VAV1: variants seen among roughly 807,000 people sequenced by gnomAD.
VAV1 encodes vav guanine nucleotide exchange factor 1, also known as proto-oncogene vav.
Under a neutral mutation model 128.1 loss-of-function variants are expected in VAV1, and 33 were observed. The observed-to-expected ratio is 0.26, with a 90% CI of 0.20 to 0.34. The LOEUF (loss-of-function observed/expected upper bound fraction) is 0.34, where lower values mean the gene tolerates loss of function less well. Among genes scored for constraint, VAV1 ranks in the 10% least tolerant of loss-of-function variants. The pLI is 1.00. For synonymous variants in VAV1, 394 were observed against 409.8 expected, an observed-to-expected ratio of 0.96 and a Z score of 0.47; for missense variants, 715 against 1,093.7, an observed-to-expected ratio of 0.65 and a Z score of 4.88.
At position 6,820,856 on chromosome 19, in the gene VAV1, G is replaced by A. The variant is rs1971765009; in HGVS notation, c.321+38G>A. 6.3e-7 allele frequency: 1 copy of A among 1,590,056 alleles called. No homozygotes were observed. Among genetic ancestry groups the A allele is most frequent in the Admixed American group, 1.7e-5 (1 of 59,968 alleles). On this transcript the variant is annotated intron_variant, in intron 2 of 26. Coordinates refer to ENST00000602142, the MANE Select transcript of VAV1 (RefSeq NM_005428.4). The surrounding 1 kb of genome is among the most constrained non-coding windows in gnomAD (Gnocchi z 4.4). ...CTTGAAGCCCAAAGACTGAGTTTCA[G>A]TTAATTTCTATTGACGTCTACACTG...
Position 6,828,591 on chromosome 19 carries a change from G to A in VAV1, c.1093-31G>A, listed in dbSNP as rs775848923. ...GGTAGGAGCCTGGGTCGGCTGTTGG[G>A]GGGCCAGGTTCACCCCTGCCCCCTC... On this transcript the variant is annotated intron_variant, in intron 11 of 26. Transcript: ENST00000602142. The surrounding 1 kb of genome is among the most constrained non-coding windows in gnomAD (Gnocchi z 4.5). 6.2e-7 allele frequency: 1 copy of A among 1,613,584 alleles called. No homozygotes were observed. Among genetic ancestry groups the A allele is most frequent in the South Asian group, 1.1e-5 (1 of 91,060 alleles).
chr19:6,852,589 C>T (rs1248142870), intron 24 of VAV1, among the ~76,000 whole-genome samples: 3 of 151,562 alleles, frequency 2.0e-5, no homozygotes, highest in Non-Finnish European at 1.5e-5. Context: ...GGCGTAGTGG[C>T]GGGCGCCTGT....
chr19:6,831,967 T>C, intron 14 of VAV1, 124 bp from the exon 15 acceptor site: 1 of 687,012 alleles, frequency 1.5e-6, no homozygotes, highest in South Asian at 1.9e-5. Context: ...TATCCATGCA[T>C]GGTGCTAGGG....
intron 1 of VAV1, among the ~76,000 whole-genome samples, chr19:6,778,149 C>T (rs953537641): frequency 2.0e-5 from 3 of 152,138 alleles, no homozygotes; most frequent in Non-Finnish European, 4.4e-5. Flanking sequence ...GTTGGCCAGG[C>T]TGGTCTCGAA....
chr19:6,832,466 T>C (rs185292723), intron 15 of VAV1, among the ~76,000 whole-genome samples: 312 of 150,740 alleles, frequency 2.1e-3, no homozygotes, highest in African/African-American at 7.1e-3. Context: ...TTCTCCTCCT[T>C]CTGGTTTCCT....
chr19:6,844,729 G>T (rs548096504), intron 22 of VAV1, among the ~76,000 whole-genome samples: 4 of 152,154 alleles, frequency 2.6e-5, no homozygotes, highest in South Asian at 4.2e-4. Context: ...GCCCTTCTGC[G>T]CCGAGATGTG....
intron 1 of VAV1, among the ~76,000 whole-genome samples, chr19:6,797,282 T>C (rs1391596378): frequency 1.3e-5 from 2 of 150,880 alleles, no homozygotes; most frequent in Non-Finnish European, 3.0e-5. Flanking sequence ...GTCTGAATGA[T>C]CAAAGCCCTC....
In VAV1 at chr19:6,820,936, A is replaced by G. The variant is rs1044270616; in HGVS notation, c.321+118A>G. On this transcript the variant is annotated intron_variant, in intron 2 of 26. Coordinates refer to ENST00000602142, the MANE Select transcript of VAV1 (RefSeq NM_005428.4). This position sits in a 1 kb window ranked among gnomAD's most constrained non-coding sequence, Gnocchi z 4.4. Reference sequence around the variant, plus strand: ...AGACAAGCCAGACCAGGCCATATACAAGACGCAAATAGCACTGGCTTGGGA... The same window carrying G: ...AGACAAGCCAGACCAGGCCATATACGAGACGCAAATAGCACTGGCTTGGGA... The G allele has an allele frequency of 7.5e-6, 7 of 930,306 alleles. No individual in the cohort carries two copies. Among genetic ancestry groups the G allele is most frequent in the African/African-American group, 6.5e-5 (4 of 61,488 alleles). The allele number at this position is 930,306 out of a possible 1,614,324, so 57.6% of individuals were successfully genotyped here. A position where few individuals can be genotyped will look rare whatever the true frequency, so the allele number is the denominator to read the frequency against.
chr19:6,842,207 G>T (rs1236851999), intron 21 of VAV1, among the ~76,000 whole-genome samples: 2 of 151,828 alleles, frequency 1.3e-5, no homozygotes, highest in Non-Finnish European at 2.9e-5. Flanking sequence ...TCCAGCCTGG[G>T]CAATAAGAGC....
intron 13 of VAV1, among the ~76,000 whole-genome samples, chr19:6,829,407 G>A (rs972815259): frequency 6.6e-6 from 1 of 152,064 alleles, no homozygotes; most frequent in African/African-American, 2.4e-5. Flanking sequence ...ACAGATCTGG[G>A]GTGGAGCCTG....
intron 1 of VAV1, among the ~76,000 whole-genome samples, chr19:6,778,208 A>T (rs1403113759): frequency 6.6e-6 from 1 of 152,022 alleles, no homozygotes; most frequent in Non-Finnish European, 1.5e-5. Flanking sequence ...AAGTGTTAGG[A>T]TTGCAGGCGT....
At chr19:6,791,119 C>G (rs565514449) in intron 1 of VAV1, among the ~76,000 whole-genome samples, 2 of 152,210 alleles carry the variant, frequency 1.3e-5, no homozygotes, top group Non-Finnish European at 2.9e-5. Context: ...TTAGGGCCCA[C>G]CTGGATGATC....
At chr19:6,787,945 C>T (rs558633077) in intron 1 of VAV1, among the ~76,000 whole-genome samples, 8 of 151,910 alleles carry the variant, frequency 5.3e-5, no homozygotes, top group East Asian at 1.9e-4. Flanking sequence ...GGTGTGGTGA[C>T]GGGCACCTGT....
chr19:6,798,473 TAATA>T (rs372820509), intron 1 of VAV1, among the ~76,000 whole-genome samples: 7,581 of 151,372 alleles, frequency 0.05, 287 homozygotes, highest in Non-Finnish European at 0.072. Flanking sequence ...CTCTAATAAA[TAATA>T]AATAAATAAA....
chr19:6,788,777 G>A (rs1259584046), intron 1 of VAV1, among the ~76,000 whole-genome samples: 1 of 152,180 alleles, frequency 6.6e-6, no homozygotes, highest in African/African-American at 2.4e-5. Flanking sequence ...TGATGGGCCA[G>A]GCCAGGGTCA....
In VAV1 at chr19:6,772,797, A is replaced by G; in HGVS notation, c.-11A>G. On this transcript the variant is annotated 5_prime_UTR_variant, in exon 1 of 27. Transcript: ENST00000602142. This position sits in a 1 kb window ranked among gnomAD's most constrained non-coding sequence, Gnocchi z 4.8. ...CGAGGGTGCACGGCCGGCCCTGGGCAGGCGGTAGCCATGGAGCTGTGGCGC... is the reference window on the plus strand; with the variant it reads ...CGAGGGTGCACGGCCGGCCCTGGGCGGGCGGTAGCCATGGAGCTGTGGCGC... 6.2e-7 allele frequency: 1 copy of G among 1,611,566 alleles called. No homozygotes were observed.
At chr19:6,823,232 C>T (rs1398030336) in intron 6 of VAV1, among the ~76,000 whole-genome samples, 1 of 150,198 alleles carries the variant, frequency 6.7e-6, no homozygotes, top group Non-Finnish European at 1.5e-5. Context: ...CTCAAGCAAT[C>T]CTTCTGCTTC....
In VAV1 at chr19:6,854,852, A is replaced by G. The variant is rs150932007; in HGVS notation, c.2484+754A>G. 6.5e-3 allele frequency among the ~76,000 whole-genome samples: 986 copies of G among 152,318 alleles called. 10 individuals are homozygous for G. The highest frequency in any genetic ancestry group is 0.023 in the African/African-American group (952 of 41,570). On this transcript the variant is annotated intron_variant, in intron 26 of 26. Transcript: ENST00000602142. The stretch of plus-strand genomic sequence containing the variant: ...AAACTGATTAATAAGGGATAAATAA[A>G]GTCATGCAAATGAAAAGGTTGTATA...
intron 6 of VAV1, among the ~76,000 whole-genome samples, chr19:6,824,127 T>C (rs957632570): frequency 6.6e-5 from 10 of 151,698 alleles, no homozygotes; most frequent in Non-Finnish European, 1.2e-4. Flanking sequence ...TTTTTGTAGA[T>C]ATGGGGTCTT....
Sources: allele counts gnomAD v4.1 joint callset (sites outside exome capture counted in the v4.1 genomes callset), GRCh38; gene constraint gnomAD v4.1.1; non-coding constraint Gnocchi (gnomAD v3.1); transcripts MANE v1.5; gene names NCBI Gene and HGNC (gene_info 2026-07-23, HGNC 2026-07-21).